Variants in SLC12A5 observed in about 807,000 individuals in gnomAD.
SLC12A5 encodes the protein solute carrier family 12 member 5.
In SLC12A5, 18 loss-of-function variants were observed where a neutral mutation model predicts 124.0. The observed-to-expected ratio is 0.15, with a 90% confidence interval of 0.10 to 0.22. SLC12A5 has a LOEUF of 0.22. SLC12A5 is among the 10% of genes least tolerant of loss of function. The pLI is 1.00. For synonymous variants in SLC12A5, 589 were observed against 568.0 expected (o/e 1.04, Z -0.53); for missense variants, 867 against 1,478.7 (o/e 0.59, Z 6.78).
Position 46,053,480 on chromosome 20 carries a change from G to A in SLC12A5, c.2548-98G>A. ...GGGTCTGCATGTATGTGTGAGGAGT[G>A]GGTGGGAAGAGGGGAAGGGTGAGCG... On this transcript the variant is annotated intron_variant, in intron 19 of 25. Coordinates refer to ENST00000243964, the MANE Select transcript of SLC12A5 (RefSeq NM_020708.5). This position sits in a 1 kb window ranked among gnomAD's most constrained non-coding sequence, Gnocchi z 4.7. 2.6e-6 allele frequency: 4 copies of A among 1,512,728 alleles called. No homozygotes were observed. The highest frequency in any genetic ancestry group is 3.6e-6 in the Non-Finnish European group (4 of 1,107,884). 93.7% of individuals were successfully genotyped at this position (1,512,728 alleles called of 1,614,324 possible).
intron 20 of SLC12A5, among the ~76,000 whole-genome samples, chr20:46,054,591 T>C (rs2084673734): frequency 6.6e-6 from 1 of 152,254 alleles, no homozygotes. Flanking sequence ...CATTCATCGC[T>C]TTGTTCTTTT....
chr20:46,024,877 T>C (rs981562251), upstream of SLC12A5, among the ~76,000 whole-genome samples: 3 of 152,212 alleles, frequency 2.0e-5, no homozygotes, highest in Non-Finnish European at 4.4e-5. Context: ...TATTCCTTTA[T>C]CTGATCCTCT....
rs1043927489 is a variant in SLC12A5 at position 46,035,415 on chromosome 20, C to T, written c.159C>T (p.Asp53=). 6 of 1,613,208 alleles carry T rather than the reference C, an allele frequency of 3.7e-6. No homozygotes were observed. The highest frequency in any genetic ancestry group is 3.3e-5 in the South Asian group (3 of 91,030). ...KNMALFEEEM[D]TSPMVSSLLS... ...CCCTCCCTCCATAGGAGGAGATGGA[C>T]ACCAGCCCTATGGTGTCCTCCTTGC... is the stretch of plus-strand genomic sequence containing the variant. Residue 53 remains aspartate, a synonymous_variant, in exon 3 of 26, where the codon GAC becomes GAT. Transcript: ENST00000243964.
At chr20:46,040,714 C>T (rs1456556897) in intron 7 of SLC12A5, 100 bp downstream of exon 7, 83 of 1,542,520 alleles carry the variant, frequency 5.4e-5, no homozygotes, top group Non-Finnish European at 5.5e-5. Flanking sequence ...CTCAGAATCT[C>T]AGAGTGGTGT....
intron 16 of SLC12A5, among the ~76,000 whole-genome samples, chr20:46,048,904 T>C (rs1289255407): frequency 6.7e-6 from 1 of 149,226 alleles, no homozygotes; most frequent in Non-Finnish European, 1.5e-5. Flanking sequence ...TCAGAGAGGA[T>C]CTCACAGGTC....
intron 16 of SLC12A5, 72 bp from the exon 17 acceptor site, chr20:46,049,550 G>A (rs377229849): frequency 1.3e-6 from 2 of 1,531,948 alleles, no homozygotes; most frequent in African/African-American, 2.7e-5. Context: ...TAGATGACCT[G>A]GTGGTGGGTG....
intron 13 of SLC12A5, 81 bp downstream of exon 13, chr20:46,046,077 C>G: frequency 1.5e-6 from 2 of 1,335,502 alleles, no homozygotes; most frequent in Non-Finnish European, 2.1e-6. Context: ...CTGTGACAAC[C>G]CACCCAGACA....
Position 46,036,806 on chromosome 20 carries a change from G to A in SLC12A5, c.481+11G>A, listed in dbSNP as rs191849612. The A allele has an allele frequency of 2.3e-4, 377 of 1,613,802 alleles. No homozygotes were observed. Among genetic ancestry groups the A allele is most frequent in the Non-Finnish European group, 3.0e-4 (355 of 1,179,886 alleles). ...ATGGTGTTGTGCCTGGTAGGTGACT[G>A]GGGCTTTGTGGGGAGGGAGGATGGC... On this transcript the variant is annotated intron_variant, in intron 5 of 25. Coordinates refer to ENST00000243964, the MANE Select transcript of SLC12A5 (RefSeq NM_020708.5).
Position 46,035,057 on chromosome 20 carries a change from C to T in SLC12A5, c.147+15C>T, listed in dbSNP as rs755687864. ...CCTTGTTTGAGGTGGGCTGCTAGGG[C>T]TGTTGGGCCCCCACCTACAATTCAT... On this transcript the variant is annotated intron_variant, in intron 2 of 25. Transcript: ENST00000243964. 45 of 1,611,832 alleles carry T rather than the reference C, an allele frequency of 2.8e-5. No individual in the cohort carries two copies. The highest frequency in any genetic ancestry group is 3.2e-5 in the Non-Finnish European group (38 of 1,178,066).
At chr20:46,043,353 T>C in intron 9 of SLC12A5, 30 bp downstream of exon 9, 1 of 1,603,586 alleles carries the variant, frequency 6.2e-7, no homozygotes, top group Middle Eastern at 1.7e-4. Flanking sequence ...GGGAAGACTC[T>C]GCCTGTGAGT....
intron 2 of SLC12A5, 112 bp from the exon 3 acceptor site, chr20:46,035,292 C>G (rs1327298508): frequency 2.2e-6 from 3 of 1,388,578 alleles, no homozygotes; most frequent in Non-Finnish European, 2.0e-6. Context: ...CCATCTCATC[C>G]CAACCTGAAT....
At position 46,035,866 on chromosome 20, in the gene SLC12A5, G is replaced by A. The variant is rs2084494146; in HGVS notation, c.369G>A (p.Val123=). The A allele has an allele frequency of 1.9e-6, 3 of 1,614,136 alleles. No individual in the cohort carries two copies. The change falls in exon 4 of 26, where the codon GTG becomes GTA. Residue 123 remains valine, a synonymous_variant. Transcript: ENST00000243964. ...TCCTCTTCCTGCGGCTCACCTGGGT[G>A]GTGGGCATTGCAGGCATCATGGAGT... ...GVILFLRLTW[V]VGIAGIMESF...
At position 46,056,634 on chromosome 20, in the gene SLC12A5, A is replaced by G. The variant is rs2084698330; in HGVS notation, c.3110+70A>G. 6 of 1,488,610 alleles carry G rather than the reference A, an allele frequency of 4.0e-6. No homozygotes were observed. The African/African-American group carries it at 4.2e-5, about 10-fold the overall frequency. The allele number at this position is 1,488,610 out of a possible 1,614,324, so 92.2% of individuals were successfully genotyped here. A position where few individuals can be genotyped will look rare whatever the true frequency, so the allele number is the denominator to read the frequency against. The stretch of plus-strand genomic sequence containing the variant: ...GGGTCTTGCTCCCCATGGCAGAGCA[A>G]GAGAGCAGAAGGCATCCTGGTCTGT... On this transcript the variant is annotated intron_variant, in intron 23 of 25. Coordinates refer to ENST00000243964, the MANE Select transcript of SLC12A5 (RefSeq NM_020708.5). This position sits in a 1 kb window ranked among gnomAD's most constrained non-coding sequence, Gnocchi z 4.3.
At chr20:46,034,213 C>T (rs1435366602) in intron 1 of SLC12A5, among the ~76,000 whole-genome samples, 1 of 152,200 alleles carries the variant, frequency 6.6e-6, no homozygotes, top group Non-Finnish European at 1.5e-5. Flanking sequence ...TCCCTTCCTC[C>T]CTCCCAGGCT....
intron 7 of SLC12A5, 51 bp from the exon 8 acceptor site, chr20:46,041,278 G>A (rs757914549): frequency 2.6e-6 from 4 of 1,550,264 alleles, no homozygotes; most frequent in Admixed American, 1.7e-5. Flanking sequence ...ATTGTGCAGC[G>A]AGGGCAAGGT....
chr20:46,021,966 G>C, intron 1 of SLC12A5: 3 of 1,394,598 alleles, frequency 2.2e-6, no homozygotes, highest in Non-Finnish European at 1.9e-6. Context: ...CTGTTGAAGG[G>C]GGCAGGGCCA....
rs755955339 is a variant in SLC12A5, at chr20:46,043,961, T to C, written c.1394+28T>C. 7 of 1,452,012 alleles carry C rather than the reference T, an allele frequency of 4.8e-6. No homozygotes were observed. The South Asian group carries it at 8.7e-5, about 18-fold the overall frequency. 89.9% of individuals were successfully genotyped at this position (1,452,012 alleles called of 1,614,324 possible). ...AAGATAATTGGGGTTGATCCTATTCTGGGGGAGGGGTGGGTATAGAAGGCT... is the reference window on the plus strand; with the variant it reads ...AAGATAATTGGGGTTGATCCTATTCCGGGGGAGGGGTGGGTATAGAAGGCT... On this transcript the variant is annotated intron_variant, in intron 11 of 25. Coordinates refer to ENST00000243964, the MANE Select transcript of SLC12A5 (RefSeq NM_020708.5).
intron 6 of SLC12A5, 103 bp from the exon 7 acceptor site, chr20:46,040,270 C>G (rs2084533613): frequency 6.6e-7 from 1 of 1,515,160 alleles, no homozygotes; most frequent in Non-Finnish European, 8.9e-7. Flanking sequence ...AGTCTGGTAC[C>G]ACTGTGACTG....
In SLC12A5 at chr20:46,046,424, G is replaced by C. The variant is rs368661669; in HGVS notation, c.1775G>C (p.Arg592Pro). 1 of 1,614,088 alleles carries C rather than the reference G, an allele frequency of 6.2e-7. No homozygotes were observed. Among genetic ancestry groups the C allele is most frequent in the Non-Finnish European group, 8.5e-7 (1 of 1,180,018 alleles). Residue 592 changes from arginine to proline, a missense_variant, in exon 14 of 26, where the codon CGA (arginine) becomes CCA (proline). Physicochemically the swap from Arg to Pro is moderately radical, Grantham distance 103. Coordinates refer to ENST00000243964, the MANE Select transcript of SLC12A5 (RefSeq NM_020708.5). ...ACACCCAACTGGAGGCCACGCTTTC[G>C]ATATTACCACTGGTGGGTGCTCTGT... ...LRTPNWRPRF[R>P]YYHWTLSFLG...
Sources: gnomAD v4.1 joint callset for allele counts (sites outside exome capture counted in the v4.1 genomes callset) on GRCh38, gnomAD v4.1.1 for gene constraint, Gnocchi (gnomAD v3.1) non-coding constraint, MANE v1.5 for transcripts, NCBI Gene and HGNC (gene_info 2026-07-23, HGNC 2026-07-21) for gene names.